Variants in DPY19L1 observed in about 807,000 individuals in gnomAD.
The protein encoded by DPY19L1 is protein C-mannosyl-transferase DPY19L1.
In DPY19L1, 35 loss-of-function variants were observed where a neutral mutation model predicts 96.9. The ratio of observed to expected loss-of-function variants is 0.36; its 90% CI spans 0.28 to 0.48. The LOEUF is 0.48. Ranked by LOEUF, DPY19L1 falls within the 20% of genes least tolerant of loss-of-function variation. The pLI is 0.99. For missense variants in DPY19L1, 521 were observed against 777.9 expected (o/e 0.67, Z 3.93); for synonymous variants, 205 against 252.6 (o/e 0.81, Z 1.79).
intron 1 of DPY19L1, among the ~76,000 whole-genome samples, 152 bp downstream of exon 1, chr7:35,036,945 T>A (rs1786419793): frequency 7.3e-6 from 1 of 137,412 alleles, no homozygotes; most frequent in Non-Finnish European, 1.6e-5. Flanking sequence ...AGAGAAAAAG[T>A]CGGAGAGGGC....
chr7:34,942,600 A>G lies in DPY19L1; in HGVS notation c.1569+15T>C. 1 of 1,576,400 alleles carries G rather than the reference A, an allele frequency of 6.3e-7. No homozygotes were observed. The highest frequency in any genetic ancestry group is 8.6e-7 in the Non-Finnish European group (1 of 1,158,688). Reference sequence around the variant, plus strand: ...CTTTAAGATAAGTAAAATTATAGTCATATTAAGTCTTTACCTCTCCATGAT... The same window carrying G: ...CTTTAAGATAAGTAAAATTATAGTCGTATTAAGTCTTTACCTCTCCATGAT... On this transcript the variant is annotated intron_variant, in intron 17 of 21. Coordinates refer to ENST00000638088, the MANE Select transcript of DPY19L1 (RefSeq NM_001366673.1).
rs2128778203 is a variant in DPY19L1 at position 34,929,066 on chromosome 7, AT to A, written c.*2506del. The stretch of plus-strand genomic sequence containing the variant: ...TTTTGCCAAGCATTTTTAGAGGCTT[AT>A]CTTTTTAAAGAAATACAGCCCCAAC... On this transcript the variant is annotated 3_prime_UTR_variant, in exon 22 of 22. Coordinates refer to ENST00000638088, the MANE Select transcript of DPY19L1 (RefSeq NM_001366673.1). The A allele has an allele frequency of 6.6e-6, 1 of 152,346 alleles. No individual in the cohort carries two copies. Among genetic ancestry groups the A allele is most frequent in the African/African-American group, 2.4e-5 (1 of 41,588 alleles). 9.4% of individuals were successfully genotyped at this position (152,346 alleles called of 1,614,324 possible).
intron 7 of DPY19L1, among the ~76,000 whole-genome samples, chr7:34,977,113 C>T (rs1216416733): frequency 2.0e-5 from 3 of 152,130 alleles, no homozygotes; most frequent in Admixed American, 1.3e-4. Flanking sequence ...AGACATAATG[C>T]TATTTCACAC....
intron 20 of DPY19L1, 30 bp from the exon 21 acceptor site, chr7:34,938,149 T>A (rs1458980817): frequency 1.9e-6 from 3 of 1,604,318 alleles, no homozygotes; most frequent in Non-Finnish European, 1.7e-6. Context: ...GGCATAAAAT[T>A]TTCAAGACTA....
intron 1 of DPY19L1, among the ~76,000 whole-genome samples, chr7:35,036,260 G>A (rs1395555314): frequency 1.3e-5 from 2 of 152,144 alleles, no homozygotes; most frequent in Non-Finnish European, 2.9e-5. Flanking sequence ...GCCCACTGAG[G>A]CATATAGAAA....
At position 34,973,508 on chromosome 7, in the gene DPY19L1, A is replaced by T. The variant is rs1421938585; in HGVS notation, c.914+6T>A. ...GCAAAAAGAAATAAGGTTAAGTCAAAGTTACCTGAGAATATGAGTCACTAG... is the reference window on the plus strand; with the variant it reads ...GCAAAAAGAAATAAGGTTAAGTCAATGTTACCTGAGAATATGAGTCACTAG... On this transcript the variant is annotated splice_donor_region_variant and intron_variant, in intron 8 of 21. Transcript: ENST00000638088. The T allele has an allele frequency of 6.7e-7, 1 of 1,501,088 alleles. No homozygotes were observed. The allele number at this position is 1,501,088 out of a possible 1,614,324, so 93.0% of individuals were successfully genotyped here.
At chr7:35,020,668 A>C (rs1323206706) in intron 1 of DPY19L1, among the ~76,000 whole-genome samples, 4 of 152,080 alleles carry the variant, frequency 2.6e-5, no homozygotes, top group Non-Finnish European at 5.9e-5. Context: ...TAAACTGTTA[A>C]TTCATATAGT....
chr7:35,037,817 C>T (rs1786483732), upstream of DPY19L1: 5 of 1,227,128 alleles, frequency 4.1e-6, no homozygotes, highest in Admixed American at 8.5e-5. Flanking sequence ...GCTACCCACA[C>T]CTCTTCGGCG....
At chr7:35,011,773 G>C (rs1286889655) in intron 4 of DPY19L1, among the ~76,000 whole-genome samples, 1 of 152,164 alleles carries the variant, frequency 6.6e-6, no homozygotes, top group Non-Finnish European at 1.5e-5. Flanking sequence ...TACTGGAATA[G>C]ACCGAATTAT....
intron 6 of DPY19L1, among the ~76,000 whole-genome samples, chr7:35,010,009 A>G (rs1433684055): frequency 6.6e-6 from 1 of 152,084 alleles, no homozygotes; most frequent in Non-Finnish European, 1.5e-5. Flanking sequence ...TGGGCAGATC[A>G]CTCAAGCCCA....
intron 6 of DPY19L1, among the ~76,000 whole-genome samples, chr7:35,009,518 G>A (rs1367263405): frequency 6.6e-6 from 1 of 152,142 alleles, no homozygotes; most frequent in African/African-American, 2.4e-5. Context: ...ACTAAATATT[G>A]TACAGAAGAC....
chr7:35,018,490 A>C, intron 2 of DPY19L1, 82 bp downstream of exon 2: 4 of 1,270,264 alleles, frequency 3.1e-6, no homozygotes, highest in Non-Finnish European at 4.5e-6. Flanking sequence ...TGCTGAAATT[A>C]TTCCTTTAAA....
chr7:34,975,637 C>T (rs1700737369), intron 7 of DPY19L1, among the ~76,000 whole-genome samples: 1 of 152,192 alleles, frequency 6.6e-6, no homozygotes, highest in African/African-American at 2.4e-5. Flanking sequence ...AAAAAGATGC[C>T]ATCTAGGACT....
chr7:34,954,890 A>T (rs1197360204), intron 12 of DPY19L1, 112 bp from the exon 13 acceptor site: 2 of 488,506 alleles, frequency 4.1e-6, no homozygotes, highest in African/African-American at 4.1e-5. Flanking sequence ...ACTATCTACA[A>T]GAGAAAATGC....
intron 7 of DPY19L1, among the ~76,000 whole-genome samples, chr7:34,974,882 T>C (rs1414959255): frequency 6.6e-6 from 1 of 152,204 alleles, no homozygotes; most frequent in South Asian, 2.1e-4. Flanking sequence ...TTTTTCATTA[T>C]TACTATATCT....
At chr7:35,034,842 A>C (rs911793910) in intron 1 of DPY19L1, among the ~76,000 whole-genome samples, 1 of 152,250 alleles carries the variant, frequency 6.6e-6, no homozygotes, top group Non-Finnish European at 1.5e-5. Flanking sequence ...ACAAAAGAAT[A>C]TGCAATGCAA....
At chr7:35,033,526 A>AT (rs76488423) in intron 1 of DPY19L1, among the ~76,000 whole-genome samples, 4 of 152,126 alleles carry the variant, frequency 2.6e-5, no homozygotes, top group East Asian at 1.9e-4. Flanking sequence ...TATCTCATTT[A>AT]TTTTTTACCA....
At chr7:34,938,841 C>CT (rs1450786026) in intron 20 of DPY19L1, among the ~76,000 whole-genome samples, 1 of 152,138 alleles carries the variant, frequency 6.6e-6, no homozygotes, top group Non-Finnish European at 1.5e-5. Flanking sequence ...TTCTAACAGG[C>CT]TATACTGGTG....
intron 8 of DPY19L1, among the ~76,000 whole-genome samples, chr7:34,972,546 C>T (rs562500165): frequency 1.4e-4 from 21 of 152,096 alleles, no homozygotes; most frequent in Admixed American, 2.0e-4. Flanking sequence ...AAAAAAGCCA[C>T]GGTCAAGAAT....
Sources: gnomAD v4.1 joint callset for allele counts (sites outside exome capture counted in the v4.1 genomes callset) on GRCh38, gnomAD v4.1.1 for gene constraint, MANE v1.5 for transcripts, NCBI Gene and HGNC (gene_info 2026-07-23, HGNC 2026-07-21) for gene names.